The following REV1 variants were observed in gnomAD, a reference collection of about 807,000 sequenced individuals.
REV1 encodes REV1 DNA directed polymerase.
REV1 carries 42 observed loss-of-function variants against 137.4 expected under a neutral mutation model. That is an observed-to-expected ratio of 0.31 (90% CI 0.24 to 0.40). The LOEUF is 0.40. Ranked by LOEUF, REV1 falls within the 10% of genes least tolerant of loss-of-function variation. REV1 has a pLI of 1.00. For synonymous variants in REV1, 524 were observed against 519.2 expected (o/e 1.01, Z -0.12); for missense variants, 1,282 against 1,490.1 (o/e 0.86, Z 2.30).
intron 10 of REV1, among the ~76,000 whole-genome samples, chr2:99,422,485 G>A (rs28382924): frequency 1.3e-5 from 2 of 152,140 alleles, no homozygotes; most frequent in African/African-American, 4.8e-5. Context: ...ACACCTTACT[G>A]TAGGTAGGTT....
At chr2:99,442,886 A>G (rs941709377) in intron 4 of REV1, among the ~76,000 whole-genome samples, 1 of 152,230 alleles carries the variant, frequency 6.6e-6, no homozygotes, top group African/African-American at 2.4e-5. Context: ...AATAATTTAT[A>G]CTATTTTTAT....
chr2:99,426,890 T>TA (rs1679450436), intron 9 of REV1, among the ~76,000 whole-genome samples: 1 of 152,100 alleles, frequency 6.6e-6, no homozygotes, highest in African/African-American at 2.4e-5. Flanking sequence ...TCAACAATAT[T>TA]AAAAAATTGC....
chr2:99,479,145 T>C (rs1007860359), intron 1 of REV1, among the ~76,000 whole-genome samples: 5 of 151,612 alleles, frequency 3.3e-5, no homozygotes, highest in Admixed American at 2.6e-4. Context: ...CTGGCCAACA[T>C]GGTGAAATCC....
Position 99,438,905 on chromosome 2 carries a change from C to T in REV1, c.909G>A (p.Leu303=). Residue 303 remains leucine, a synonymous_variant, in exon 6 of 23, where the codon TTG becomes TTA. Coordinates refer to ENST00000258428, the MANE Select transcript of REV1 (RefSeq NM_016316.4). The part of the protein sequence containing the change: ...HRTNSFSLSP[L]HSNTKINGAH... ...CACCATTGATTTTAGTGTTACTGTGCAAAGGTGATAATGAGAAAGAATTAG... is the reference window on the plus strand; with the variant it reads ...CACCATTGATTTTAGTGTTACTGTGTAAAGGTGATAATGAGAAAGAATTAG... 1 of 1,614,142 alleles carries T rather than the reference C, an allele frequency of 6.2e-7. No individual in the cohort carries two copies. Among genetic ancestry groups the T allele is most frequent in the Non-Finnish European group, 8.5e-7 (1 of 1,180,016 alleles).
intron 13 of REV1, 73 bp from the exon 14 acceptor site, chr2:99,410,940 T>C (rs1327586712): frequency 8.4e-6 from 11 of 1,302,450 alleles, no homozygotes; most frequent in Non-Finnish European, 1.2e-5. Flanking sequence ...TCAAGTATTT[T>C]AACTTTGAAT....
At chr2:99,431,682 C>T (rs982157484) in intron 8 of REV1, 16 of 972,568 alleles carry the variant, frequency 1.6e-5, no homozygotes, top group Non-Finnish European at 2.0e-5. Flanking sequence ...TCCATGCGCC[C>T]CCAGTGCCCT....
At position 99,412,803 on chromosome 2, in the gene REV1, A is replaced by C; in HGVS notation, c.2100T>G (p.Asp700Glu). 1 of 1,614,176 alleles carries C rather than the reference A, an allele frequency of 6.2e-7. No individual in the cohort carries two copies. Among genetic ancestry groups the C allele is most frequent in the South Asian group, 1.1e-5 (1 of 91,076 alleles). ...MLYRFCRGLDDRPVRTEKERK... is the reference protein window; with the variant it reads ...MLYRFCRGLDERPVRTEKERK... ...TTTCCTTTTCAGTTCGAACTGGTCT[A>C]TCATCCAAGCCACGGCAGAACCTAT... is the stretch of plus-strand genomic sequence containing the variant. The change falls in exon 13 of 23, where the codon GAT (aspartate) becomes GAG (glutamate). Residue 700 changes from aspartate (D) to glutamate (E), a missense_variant. Physicochemically the swap from Asp to Glu is conservative, Grantham distance 45. Around this residue, in one of 7 missense-constraint regions of REV1, gnomAD observed 372 missense variants for 482.3 expected, o/e 0.77. Coordinates refer to ENST00000258428, the MANE Select transcript of REV1 (RefSeq NM_016316.4).
At position 99,401,359 on chromosome 2, in the gene REV1, G is replaced by A. The variant is rs752243571; in HGVS notation, c.3645-7C>T. 1.3e-6 allele frequency: 2 copies of A among 1,590,914 alleles called. No homozygotes were observed. Among genetic ancestry groups the A allele is most frequent in the Non-Finnish European group, 8.6e-7 (1 of 1,159,602 alleles). Reference sequence around the variant, plus strand: ...CACCGATTGCTGCATCAGCCTAAAGGTGGGGAGAGAAGAAATGTCATTAGG... The same window carrying A: ...CACCGATTGCTGCATCAGCCTAAAGATGGGGAGAGAAGAAATGTCATTAGG... On this transcript the variant is annotated splice_region_variant and splice_polypyrimidine_tract_variant and intron_variant, in intron 22 of 22. Transcript: ENST00000258428.
Position 99,410,879 on chromosome 2 carries a change from C to G in REV1, c.2173-12G>C. ...TCTGCCTCTTTTGGCTATGGAAAGACAAACGTGGAGAAACTACCATTCCAC... is the reference window on the plus strand; with the variant it reads ...TCTGCCTCTTTTGGCTATGGAAAGAGAAACGTGGAGAAACTACCATTCCAC... On this transcript the variant is annotated splice_polypyrimidine_tract_variant and intron_variant, in intron 13 of 22. Coordinates refer to ENST00000258428, the MANE Select transcript of REV1 (RefSeq NM_016316.4). The G allele has an allele frequency of 6.4e-7, 1 of 1,574,000 alleles. No individual in the cohort carries two copies.
At chr2:99,462,852 C>T in intron 2 of REV1, 1 of 364,340 alleles carries the variant, frequency 2.7e-6, no homozygotes, top group South Asian at 4.8e-5. Context: ...CTTTGGGAAG[C>T]TGAGGCAGGC....
rs3838583 is a variant in REV1 at position 99,401,051 on chromosome 2, ATAAT to A, written c.*186_*189del. 0.039 allele frequency: 16,218 copies of A among 419,238 alleles called. 773 individuals are homozygous for A. Among genetic ancestry groups the A allele is most frequent in the Admixed American group, 0.15 (4,149 of 27,154 alleles). 26.0% of individuals were successfully genotyped at this position (419,238 alleles called of 1,614,324 possible). On this transcript the variant is annotated 3_prime_UTR_variant, in exon 23 of 23. Transcript: ENST00000258428. ...TAAATAGAATCTATGCTACAGTAAAATAATTAACACAATTATTTACATGCAATAC... is the reference window on the plus strand; with the variant it reads ...TAAATAGAATCTATGCTACAGTAAAATAACACAATTATTTACATGCAATAC...
chr2:99,474,960 C>A (rs1685810491), intron 1 of REV1, among the ~76,000 whole-genome samples: 1 of 151,960 alleles, frequency 6.6e-6, no homozygotes, highest in Admixed American at 6.6e-5. Context: ...TTGTTGCTAA[C>A]CGGTTCTCTG....
Position 99,401,030 on chromosome 2 carries a change from T to A in REV1, c.*211A>T, listed in dbSNP as rs766615166. ...ACTTTATAAACAAACATTTTGTAAA[T>A]AGAATCTATGCTACAGTAAAATAAT... On this transcript the variant is annotated 3_prime_UTR_variant, in exon 23 of 23. Transcript: ENST00000258428. 3 of 352,468 alleles carry A rather than the reference T, an allele frequency of 8.5e-6. No homozygotes were observed. Among genetic ancestry groups the A allele is most frequent in the Middle Eastern group, 1.6e-3 (2 of 1,236 alleles). 21.8% of individuals were successfully genotyped at this position (352,468 alleles called of 1,614,324 possible). A position where few individuals can be genotyped will look rare whatever the true frequency, so the allele number is the denominator to read the frequency against.
chr2:99,484,780 C>T (rs1686971527), intron 1 of REV1, among the ~76,000 whole-genome samples: 1 of 152,058 alleles, frequency 6.6e-6, no homozygotes, highest in Non-Finnish European at 1.5e-5. Flanking sequence ...ATAAATTTAA[C>T]GGCAAGCTTC....
At chr2:99,447,651 C>A (rs952055344) in intron 4 of REV1, among the ~76,000 whole-genome samples, 12 of 152,090 alleles carry the variant, frequency 7.9e-5, no homozygotes, top group African/African-American at 2.9e-4. Context: ...CTCACATAAC[C>A]ACAGCAGGCA....
At chr2:99,439,799 T>C (rs1296376016) in intron 5 of REV1, among the ~76,000 whole-genome samples, 1 of 152,122 alleles carries the variant, frequency 6.6e-6, no homozygotes, top group Non-Finnish European at 1.5e-5. Context: ...CAAATAACTT[T>C]CATAAAAATG....
chr2:99,401,345 G>C lies in REV1; in HGVS notation c.3652C>G (p.Gln1218Glu). The C allele has an allele frequency of 3.1e-6, 5 of 1,609,578 alleles. No homozygotes were observed. Among genetic ancestry groups the C allele is most frequent in the Non-Finnish European group, 4.3e-6 (5 of 1,176,326 alleles). ...TTCCAAACCGATTCCACCGATTGCT[G>C]CATCAGCCTAAAGGTGGGGAGAGAA... ...LVIKYMKRLM[Q>E]QSVESVWNMA... The change falls in exon 23 of 23, where the codon CAG becomes GAG. Residue 1218 changes from glutamine (Q) to glutamate (E), a missense_variant. By Grantham distance (29) the Gln-to-Glu change is conservative. This residue lies in a region of REV1 where 43 missense variants were observed against 79.1 expected (regional missense o/e 0.54). Coordinates refer to ENST00000258428, the MANE Select transcript of REV1 (RefSeq NM_016316.4).
At chr2:99,458,958 C>T (rs1372124395) in intron 3 of REV1, among the ~76,000 whole-genome samples, 2 of 151,994 alleles carry the variant, frequency 1.3e-5, no homozygotes, top group Non-Finnish European at 2.9e-5. Flanking sequence ...CCTGTAATCC[C>T]AGCACTTTGG....
At chr2:99,451,266 A>C in intron 3 of REV1, 1 of 851,312 alleles carries the variant, frequency 1.2e-6, no homozygotes, top group Non-Finnish European at 1.5e-6. Flanking sequence ...CTTAAATAGA[A>C]AACGGCTGTC....
Sources: allele counts gnomAD v4.1 joint callset (sites outside exome capture counted in the v4.1 genomes callset), GRCh38; gene constraint gnomAD v4.1.1; regional missense constraint gnomAD v4.1.1; transcripts MANE v1.5; gene names NCBI Gene and HGNC (gene_info 2026-07-23, HGNC 2026-07-21).